DNAH11: variants seen among roughly 807,000 people sequenced by gnomAD.
The protein encoded by DNAH11 is dynein axonemal heavy chain 11.
Under a neutral mutation model 526.0 loss-of-function variants are expected in DNAH11, and 442 were observed. The observed-to-expected ratio is 0.84, with a 90% confidence interval of 0.78 to 0.91. The LOEUF (loss-of-function observed/expected upper bound fraction) is 0.91, where lower values mean the gene tolerates loss of function less well. Ranked by LOEUF, DNAH11 falls within the 40% of genes least tolerant of loss-of-function variation. The pLI is 0.00. For synonymous variants in DNAH11, 2,461 were observed against 1,935.9 expected (o/e 1.27, Z -7.12); for missense variants, 6,989 against 5,448.7 (o/e 1.28, Z -8.90).
At chr7:21,674,868 G>A (rs561978132) in intron 30 of DNAH11, among the ~76,000 whole-genome samples, 1 of 151,514 alleles carries the variant, frequency 6.6e-6, no homozygotes, top group Non-Finnish European at 1.5e-5. Context: ...AAAAAAAAAA[G>A]AACAAAAAAC....
intron 45 of DNAH11, 92 bp from the exon 46 acceptor site, chr7:21,735,548 G>A: frequency 1.9e-6 from 2 of 1,050,650 alleles, no homozygotes; most frequent in Non-Finnish European, 2.8e-6. Context: ...AAGTGACTGT[G>A]TTGAGTTTGA....
intron 28 of DNAH11, among the ~76,000 whole-genome samples, chr7:21,643,598 A>G (rs1787219742): frequency 1.3e-5 from 2 of 152,206 alleles, no homozygotes; most frequent in African/African-American, 4.8e-5. Context: ...ATTGTAATGA[A>G]TTGCAATTGA....
chr7:21,556,842 A>G (rs1783240279), intron 2 of DNAH11, among the ~76,000 whole-genome samples: 1 of 152,178 alleles, frequency 6.6e-6, no homozygotes, highest in South Asian at 2.1e-4. Context: ...TGGGCAGATA[A>G]CTTGAGGCCA....
At chr7:21,558,766 C>T (rs1353028046) in intron 2 of DNAH11, 36 bp from the exon 3 acceptor site, 6 of 1,485,206 alleles carry the variant, frequency 4.0e-6, no homozygotes, top group South Asian at 2.6e-5. Context: ...AATGCATTGT[C>T]TGTAAATTAA....
chr7:21,673,357 G>A (rs971032205), intron 30 of DNAH11, among the ~76,000 whole-genome samples: 9 of 152,114 alleles, frequency 5.9e-5, no homozygotes, highest in East Asian at 1.9e-4. Context: ...TGCCTACTTC[G>A]TAGAGTTGTG....
At chr7:21,859,476 A>C (rs1202799739) in intron 68 of DNAH11, among the ~76,000 whole-genome samples, 1 of 152,166 alleles carries the variant, frequency 6.6e-6, no homozygotes, top group African/African-American at 2.4e-5. Flanking sequence ...GTATTTGCAA[A>C]TATTCAAACA....
At chr7:21,545,912 G>C (rs114375772) in intron 2 of DNAH11, among the ~76,000 whole-genome samples, 1 of 152,104 alleles carries the variant, frequency 6.6e-6, no homozygotes, top group African/African-American at 2.4e-5. Context: ...GGATCACCTG[G>C]GGGAACTTGT....
In DNAH11 at chr7:21,704,453, G is replaced by C. The variant is rs1341097322; in HGVS notation, c.6293G>C (p.Arg2098Thr). The C allele has an allele frequency of 6.2e-7, 1 of 1,613,280 alleles. No individual in the cohort carries two copies. Among genetic ancestry groups the C allele is most frequent in the Non-Finnish European group, 8.5e-7 (1 of 1,179,630 alleles). Residue 2098 changes from arginine to threonine, a missense_variant, in exon 38 of 82, where the codon AGG becomes ACG. By Grantham distance (71) the Arg-to-Thr change is moderately conservative (BLOSUM62 -1). Transcript: ENST00000409508. ...TTCTAGGTACTCATGAGAGCATTAA[G>C]GGATTTCAATATGCCCAAAATAGTG... Reference protein sequence around the residue: ...PEDQVLMRALRDFNMPKIVTD... With the variant: ...PEDQVLMRALTDFNMPKIVTD...
intron 51 of DNAH11, among the ~76,000 whole-genome samples, chr7:21,747,318 A>G (rs1227935812): frequency 2.0e-5 from 3 of 152,190 alleles, no homozygotes; most frequent in Non-Finnish European, 4.4e-5. Flanking sequence ...GAAAATGTTC[A>G]CATGTGCTGG....
chr7:21,848,703 T>G (rs1782513163), intron 66 of DNAH11, among the ~76,000 whole-genome samples: 1 of 152,144 alleles, frequency 6.6e-6, no homozygotes, highest in Admixed American at 6.5e-5. Context: ...TAATAATTTT[T>G]CTTTTCCTTC....
rs746973081 is a variant in DNAH11 at position 21,638,988 on chromosome 7, A to G, written c.4867A>G (p.Ile1623Val). ...ALAEYLETKR[I>V]AFPRFYFVSS... ...CGCTGAATACCTGGAAACCAAGCGC[A>G]TAGCCTTTCCTCGCTTCTATTTCGT... The change falls in exon 28 of 82, where the codon ATA (isoleucine) becomes GTA (valine). Residue 1623 changes from isoleucine to valine, a missense_variant. Coordinates refer to ENST00000409508, the MANE Select transcript of DNAH11 (RefSeq NM_001277115.2). 3.1e-6 allele frequency: 5 copies of G among 1,613,664 alleles called. No homozygotes were observed. The highest frequency in any genetic ancestry group is 3.3e-5 in the Admixed American group (2 of 59,980).
intron 65 of DNAH11, among the ~76,000 whole-genome samples, chr7:21,828,371 GTCTGT>G (rs1464396338): frequency 6.6e-6 from 1 of 152,140 alleles, no homozygotes; most frequent in Non-Finnish European, 1.5e-5. Context: ...CAGCATTCCA[GTCTGT>G]TCTAATTTCC....
chr7:21,821,805 C>A (rs1790062257), intron 65 of DNAH11, among the ~76,000 whole-genome samples: 3 of 151,706 alleles, frequency 2.0e-5, no homozygotes, highest in Admixed American at 2.0e-4. Context: ...AGAATTATTC[C>A]TTCTAACTGT....
chr7:21,800,690 A>T (rs558065748), intron 61 of DNAH11, among the ~76,000 whole-genome samples: 1 of 152,200 alleles, frequency 6.6e-6, no homozygotes, highest in Non-Finnish European at 1.5e-5. Flanking sequence ...TCAGTAATTA[A>T]CACCCCTCTT....
At chr7:21,624,952 G>A (rs748179385) in intron 25 of DNAH11, among the ~76,000 whole-genome samples, 2 of 151,906 alleles carry the variant, frequency 1.3e-5, no homozygotes, top group Non-Finnish European at 2.9e-5. Flanking sequence ...CTTTGCTGAG[G>A]ATTTTTTTAA....
At chr7:21,697,001 A>G (rs1192034588) in intron 35 of DNAH11, among the ~76,000 whole-genome samples, 1 of 152,172 alleles carries the variant, frequency 6.6e-6, no homozygotes, top group East Asian at 1.9e-4. Flanking sequence ...TAACTGTGTG[A>G]AAAAATATGG....
intron 65 of DNAH11, among the ~76,000 whole-genome samples, chr7:21,825,411 T>G (rs995452850): frequency 3.3e-5 from 5 of 152,218 alleles, no homozygotes; most frequent in Non-Finnish European, 7.3e-5. Context: ...GTAGAACTTA[T>G]GCACAATCAA....
At chr7:21,789,763 C>CTCTTTCTT (rs1554281334) in intron 61 of DNAH11, among the ~76,000 whole-genome samples, 1,977 of 72,856 alleles carry the variant, frequency 0.027, 171 homozygotes, top group South Asian at 0.036. Flanking sequence ...ATTTCTTTCT[C>CTCTTTCTT]TCTTTCTTTC....
intron 65 of DNAH11, 89 bp from the exon 66 acceptor site, chr7:21,842,455 C>T (rs1228505362): frequency 3.5e-6 from 4 of 1,127,252 alleles, no homozygotes; most frequent in Middle Eastern, 2.5e-4. Flanking sequence ...GGCCAAGGTC[C>T]ATTATAAGAA....
Sources: allele counts gnomAD v4.1 joint callset (sites outside exome capture counted in the v4.1 genomes callset), GRCh38; gene constraint gnomAD v4.1.1; transcripts MANE v1.5; gene names NCBI Gene and HGNC (gene_info 2026-07-23, HGNC 2026-07-21).